The following ZFHX3 variants were observed in gnomAD, a reference collection of about 807,000 sequenced individuals.
ZFHX3 encodes the protein zinc finger homeobox protein 3.
A neutral mutation model predicts 279.1 loss-of-function variants in ZFHX3; 42 were observed. The ratio of observed to expected loss-of-function variants is 0.15; its 90% CI spans 0.12 to 0.19. The LOEUF (loss-of-function observed/expected upper bound fraction) is 0.19, where lower values mean the gene tolerates loss of function less well. Among genes scored for constraint, ZFHX3 ranks in the 10% least tolerant of loss-of-function variants. The probability of loss-of-function intolerance (pLI) is 1.00; values close to 1 mark genes in which losing one functional copy is unlikely to be tolerated. For synonymous variants in ZFHX3, 2,293 were observed against 1,957.8 expected (o/e 1.17, Z -4.52); for missense variants, 4,981 against 4,754.0 (o/e 1.05, Z -1.40).
chr16:72,904,593 G>C (rs760690812), intron 3 of ZFHX3, among the ~76,000 whole-genome samples: 3 of 151,916 alleles, frequency 2.0e-5, no homozygotes, highest in Non-Finnish European at 4.4e-5. Flanking sequence ...ACTTGTGTCA[G>C]TTCCCACCTT....
chr16:73,082,508 A>T (rs1965960405), intron 8 of ZFHX3, among the ~76,000 whole-genome samples: 3 of 152,036 alleles, frequency 2.0e-5, no homozygotes, highest in Admixed American at 2.0e-4. Context: ...TGACCTCAGG[A>T]TCCGCCTGCC....
chr16:72,870,637 G>A (rs1384739258), intron 4 of ZFHX3, among the ~76,000 whole-genome samples: 4 of 144,018 alleles, frequency 2.8e-5, no homozygotes, highest in Middle Eastern at 3.7e-3. Flanking sequence ...AGAATGGCAT[G>A]AACCCAGGAG....
chr16:73,861,358 C>T (rs962748822), intron 1 of ZFHX3, among the ~76,000 whole-genome samples: 1 of 152,058 alleles, frequency 6.6e-6, no homozygotes, highest in Non-Finnish European at 1.5e-5. Context: ...CCTCCTGAGA[C>T]AATCTCCAAA....
intron 3 of ZFHX3, among the ~76,000 whole-genome samples, chr16:73,367,867 CT>C (rs10718886): frequency 0.48 from 54,798 of 115,248 alleles, 12,404 homozygotes; most frequent in Non-Finnish European, 0.62. Context: ...TAAGGAAGGT[CT>C]TTTTTTTTTT....
chr16:73,413,284 GGAGT>G (rs1441340163), intron 3 of ZFHX3, among the ~76,000 whole-genome samples: 1 of 152,238 alleles, frequency 6.6e-6, no homozygotes, highest in Admixed American at 6.5e-5. Context: ...GAACAGCACA[GGAGT>G]GAGAAAGTTC....
At chr16:72,904,769 T>A (rs1395914355) in intron 3 of ZFHX3, among the ~76,000 whole-genome samples, 1 of 135,100 alleles carries the variant, frequency 7.4e-6, no homozygotes, top group Non-Finnish European at 1.6e-5. Context: ...AGTGGCTCCT[T>A]GCCTGTGGGG....
rs116178801 is a variant in ZFHX3 at position 73,810,553 on chromosome 16, G to A, written c.-1608+81098C>T. Among the ~76,000 whole-genome samples the A allele has an allele frequency of 1.6e-3, 245 of 152,288 alleles. 2 individuals carry two copies. The highest frequency in any genetic ancestry group is 6.8e-3 in the Middle Eastern group (2 of 294). On this transcript the variant is annotated intron_variant, in intron 1 of 17. Coordinates refer to the ZFHX3 transcript ENST00000641206. ...TAATGTTTTTACAGCACTTTATAGA[G>A]AGTTTGTAAAGCGCTTTCACACATT... is the stretch of plus-strand genomic sequence containing the variant.
At chr16:73,449,707 A>C (rs200994365) in intron 3 of ZFHX3, among the ~76,000 whole-genome samples, 2 of 152,156 alleles carry the variant, frequency 1.3e-5, no homozygotes, top group East Asian at 1.9e-4. Flanking sequence ...ATAACTAGTA[A>C]AAGGAGGTAA....
chr16:73,419,640 C>T (rs958732599), intron 3 of ZFHX3, among the ~76,000 whole-genome samples: 2 of 151,888 alleles, frequency 1.3e-5, no homozygotes, highest in Admixed American at 6.6e-5. Flanking sequence ...GATGGGGTCT[C>T]GCTATGTTGC....
chr16:72,984,780 G>C (rs1043267805), intron 1 of ZFHX3, among the ~76,000 whole-genome samples: 2 of 152,058 alleles, frequency 1.3e-5, no homozygotes, highest in East Asian at 3.8e-4. Flanking sequence ...GGGCGAAGGG[G>C]CTAAACCTCA....
chr16:72,986,870 G>A (rs902284398), intron 1 of ZFHX3, among the ~76,000 whole-genome samples: 6 of 152,168 alleles, frequency 3.9e-5, no homozygotes, highest in South Asian at 2.1e-4. Context: ...ACCCAGCCAG[G>A]TGCAGTGGCT....
chr16:73,747,313 G>A (rs1019169689), intron 1 of ZFHX3, among the ~76,000 whole-genome samples: 9 of 152,156 alleles, frequency 5.9e-5, no homozygotes, highest in African/African-American at 2.2e-4. Flanking sequence ...GAGCCTGGGA[G>A]GTTGAAGCTG....
intron 3 of ZFHX3, chr16:73,401,897 G>C (rs2017263342): frequency 6.6e-6 from 1 of 152,140 alleles, no homozygotes; most frequent in African/African-American, 2.4e-5. Flanking sequence ...ATAGAGATTT[G>C]TAGATGCCAA....
At chr16:73,654,641 A>G (rs2052704403) in intron 2 of ZFHX3, among the ~76,000 whole-genome samples, 1 of 152,062 alleles carries the variant, frequency 6.6e-6, no homozygotes, top group South Asian at 2.1e-4. Flanking sequence ...AAACCAAATT[A>G]TTGTTGTATG....
intron 8 of ZFHX3, among the ~76,000 whole-genome samples, chr16:73,078,003 T>G (rs926505586): frequency 1.3e-5 from 2 of 152,094 alleles, no homozygotes; most frequent in African/African-American, 4.8e-5. Context: ...TGGAGTTTCA[T>G]CATGTTGACC....
intron 2 of ZFHX3, among the ~76,000 whole-genome samples, chr16:73,468,028 T>A (rs998135366): frequency 2.6e-5 from 4 of 152,184 alleles, no homozygotes; most frequent in African/African-American, 9.7e-5. Context: ...TTTTGGCCAG[T>A]GGAGAAGAAA....
chr16:72,886,664 A>C (rs2038629674), intron 4 of ZFHX3, among the ~76,000 whole-genome samples: 1 of 152,218 alleles, frequency 6.6e-6, no homozygotes, highest in Non-Finnish European at 1.5e-5. Context: ...GGCCAAAAAA[A>C]CACCCCAAAC....
intron 3 of ZFHX3, among the ~76,000 whole-genome samples, chr16:73,446,327 G>A (rs566698304): frequency 7.2e-5 from 11 of 152,296 alleles, no homozygotes; most frequent in African/African-American, 2.4e-4. Context: ...GGCTGGGGAG[G>A]CCTCAGGAAA....
intron 2 of ZFHX3, among the ~76,000 whole-genome samples, chr16:73,494,726 ATT>A (rs368325532): frequency 4.2e-4 from 62 of 147,000 alleles, no homozygotes; most frequent in East Asian, 1.4e-3. Flanking sequence ...TGACCGGCTA[ATT>A]TTTTTTTTTT....
Sources: allele counts gnomAD v4.1 joint callset (sites outside exome capture counted in the v4.1 genomes callset), GRCh38; gene constraint gnomAD v4.1.1; transcripts MANE v1.5; gene names NCBI Gene and HGNC (gene_info 2026-07-23, HGNC 2026-07-21).